CNTNAP2: variants seen among roughly 807,000 people sequenced by gnomAD.
The protein encoded by CNTNAP2 is contactin associated protein 2, also known as contactin-associated protein-like 2.
A neutral mutation model predicts 155.2 loss-of-function variants in CNTNAP2; 98 were observed. The observed-to-expected ratio is 0.63, with a 90% CI of 0.54 to 0.75. The LOEUF is 0.75. Ranked by LOEUF, CNTNAP2 falls within the 30% of genes least tolerant of loss-of-function variation. The pLI, the probability that CNTNAP2 is intolerant of heterozygous loss-of-function variation, is 0.00. For missense variants in CNTNAP2, 1,727 were observed against 1,688.1 expected, an observed-to-expected ratio of 1.02 and a Z score of -0.40; for synonymous variants, 651 against 631.2, an observed-to-expected ratio of 1.03 and a Z score of -0.47.
At chr7:146,805,519 A>AG (rs1044319730) in intron 2 of CNTNAP2, among the ~76,000 whole-genome samples, 5 of 152,196 alleles carry the variant, frequency 3.3e-5, no homozygotes, top group Admixed American at 6.6e-5. Context: ...ATTCTCAAGA[A>AG]GAAGTAATTG....
chr7:146,204,300 T>G lies in CNTNAP2; in HGVS notation c.97+87327T>G, dbSNP rs145904600. ...ATACTGTCTCTAAGTGATCAAAATG[T>G]TCTGTGCTTCTGCTGACTTCTAGCA... On this transcript the variant is annotated intron_variant, in intron 1 of 23. Coordinates refer to ENST00000361727, the MANE Select transcript of CNTNAP2 (RefSeq NM_014141.6). 3.1e-4 allele frequency among the ~76,000 whole-genome samples: 47 copies of G among 152,302 alleles called. No homozygotes were observed. The East Asian group carries it at 7.1e-3, about 23-fold the overall frequency.
chr7:146,385,240 G>C (rs925387441), intron 1 of CNTNAP2, among the ~76,000 whole-genome samples: 1 of 151,598 alleles, frequency 6.6e-6, no homozygotes, highest in African/African-American at 2.4e-5. Flanking sequence ...TAATCTTGTT[G>C]CTCTTCCAGG....
intron 1 of CNTNAP2, among the ~76,000 whole-genome samples, chr7:146,673,409 C>T (rs2109279): frequency 0.81 from 123,131 of 152,196 alleles, 50,413 homozygotes; most frequent in South Asian, 0.91. Context: ...ATGCCAGAAA[C>T]GAAACAGAAA....
intron 1 of CNTNAP2, among the ~76,000 whole-genome samples, chr7:146,408,911 T>A (rs1795829950): frequency 1.3e-5 from 2 of 151,852 alleles, no homozygotes; most frequent in South Asian, 2.1e-4. Flanking sequence ...TGGAATCAAA[T>A]CCACACCGAA....
chr7:146,669,954 G>A (rs4466316), intron 1 of CNTNAP2, among the ~76,000 whole-genome samples: 6 of 152,080 alleles, frequency 3.9e-5, no homozygotes, highest in East Asian at 3.8e-4. Flanking sequence ...TCTCTGGAGA[G>A]CAATCAAATT....
intron 1 of CNTNAP2, among the ~76,000 whole-genome samples, chr7:146,371,610 C>T (rs1795237721): frequency 6.6e-6 from 1 of 151,624 alleles, no homozygotes; most frequent in African/African-American, 2.4e-5. Flanking sequence ...TGTGATCCGC[C>T]CACCTCGGCC....
chr7:147,392,699 A>T (rs1796739748), intron 9 of CNTNAP2, among the ~76,000 whole-genome samples: 1 of 152,102 alleles, frequency 6.6e-6, no homozygotes, highest in Admixed American at 6.6e-5. Flanking sequence ...ATTTAATTTT[A>T]TGACTGAGTA....
chr7:147,443,662 T>G (rs1224692477), intron 10 of CNTNAP2, among the ~76,000 whole-genome samples: 1 of 152,192 alleles, frequency 6.6e-6, no homozygotes, highest in Admixed American at 6.5e-5. Flanking sequence ...TTTTAGATTC[T>G]AGCATTCCAG....
At chr7:146,963,683 A>C (rs186490960) in intron 3 of CNTNAP2, among the ~76,000 whole-genome samples, 83 of 152,290 alleles carry the variant, frequency 5.5e-4, no homozygotes, top group African/African-American at 1.7e-3. Flanking sequence ...GTAAAAAAAA[A>C]CAAAATTTCA....
intron 8 of CNTNAP2, among the ~76,000 whole-genome samples, chr7:147,214,870 C>T (rs1803231349): frequency 6.6e-6 from 1 of 152,130 alleles, no homozygotes; most frequent in Non-Finnish European, 1.5e-5. Context: ...CACAGTTCCA[C>T]ATGGCCGGGG....
At chr7:147,524,470 A>G (rs558028616) in intron 11 of CNTNAP2, among the ~76,000 whole-genome samples, 4 of 152,338 alleles carry the variant, frequency 2.6e-5, no homozygotes, top group South Asian at 2.1e-4. Context: ...AGACTAAAAT[A>G]TAATTTCTAA....
At chr7:147,226,925 C>G (rs960939755) in intron 8 of CNTNAP2, among the ~76,000 whole-genome samples, 1 of 152,154 alleles carries the variant, frequency 6.6e-6, no homozygotes, top group African/African-American at 2.4e-5. Flanking sequence ...AACTCAAAAA[C>G]AGTTCTGTCC....
At chr7:146,632,027 C>G (rs759451776) in intron 1 of CNTNAP2, among the ~76,000 whole-genome samples, 1 of 152,124 alleles carries the variant, frequency 6.6e-6, no homozygotes, top group Non-Finnish European at 1.5e-5. Context: ...GTGTTAGAGA[C>G]TTTATTAGCA....
At chr7:146,249,195 G>A (rs1584827093) in intron 1 of CNTNAP2, among the ~76,000 whole-genome samples, 1 of 152,176 alleles carries the variant, frequency 6.6e-6, no homozygotes. Context: ...CAGGGGATAT[G>A]ATGGCTTAGC....
intron 15 of CNTNAP2, among the ~76,000 whole-genome samples, chr7:148,003,658 G>A (rs959881485): frequency 1.3e-5 from 2 of 152,136 alleles, no homozygotes; most frequent in Non-Finnish European, 2.9e-5. Flanking sequence ...ATAAGCATAT[G>A]TAGAAACCTG....
chr7:146,705,696 A>G lies in CNTNAP2; in HGVS notation c.98-68575A>G, dbSNP rs116798839. Among the ~76,000 whole-genome samples, 436 of 152,236 alleles carry G rather than the reference A, an allele frequency of 2.9e-3. 2 individuals are homozygous for G. The highest frequency in any genetic ancestry group is 4.8e-3 in the Non-Finnish European group (328 of 68,022). ...AGAGACGTCTTACATGGTGGCAGGCAAGAGAGCTGTGCAGGGGAACTCCTA... is the reference window on the plus strand; with the variant it reads ...AGAGACGTCTTACATGGTGGCAGGCGAGAGAGCTGTGCAGGGGAACTCCTA... On this transcript the variant is annotated intron_variant, in intron 1 of 23. Coordinates refer to ENST00000361727, the MANE Select transcript of CNTNAP2 (RefSeq NM_014141.6).
chr7:148,114,045 T>C (rs1804411987), intron 15 of CNTNAP2, among the ~76,000 whole-genome samples: 1 of 152,220 alleles, frequency 6.6e-6, no homozygotes, highest in South Asian at 2.1e-4. Flanking sequence ...GTGAATCTCT[T>C]ATTCCCAGCT....
intron 2 of CNTNAP2, among the ~76,000 whole-genome samples, chr7:146,808,209 C>T (rs1265137157): frequency 6.6e-6 from 1 of 152,160 alleles, no homozygotes; most frequent in Non-Finnish European, 1.5e-5. Flanking sequence ...TTATTTTCAT[C>T]TCCTCACAAT....
chr7:147,747,299 A>T (rs971779932), intron 13 of CNTNAP2, among the ~76,000 whole-genome samples: 1 of 152,178 alleles, frequency 6.6e-6, no homozygotes, highest in Non-Finnish European at 1.5e-5. Context: ...TCTCAATCAC[A>T]TCAGACTGGC....
Sources: allele counts gnomAD v4.1 joint callset (sites outside exome capture counted in the v4.1 genomes callset), GRCh38; gene constraint gnomAD v4.1.1; transcripts MANE v1.5; gene names NCBI Gene and HGNC (gene_info 2026-07-23, HGNC 2026-07-21).